Variants in KLHL18 observed in about 807,000 individuals in gnomAD.
KLHL18 encodes the protein kelch-like protein 18.
Under a neutral mutation model 58.5 loss-of-function variants are expected in KLHL18, and 38 were observed. The ratio of observed to expected loss-of-function variants is 0.65; its 90% CI spans 0.50 to 0.85. The LOEUF is 0.85. Ranked by LOEUF, KLHL18 falls within the 40% of genes least tolerant of loss-of-function variation. The pLI is 0.00. For synonymous variants in KLHL18, 303 were observed against 301.9 expected (o/e 1.00, Z -0.04); for missense variants, 624 against 778.4 (o/e 0.80, Z 2.36).
intron 7 of KLHL18, among the ~76,000 whole-genome samples, chr3:47,339,443 C>T (rs1472388900): frequency 2.7e-5 from 4 of 148,940 alleles, no homozygotes; most frequent in African/African-American, 9.9e-5. Flanking sequence ...TGTGAACCAT[C>T]ATTGTGCTAC....
intron 1 of KLHL18, among the ~76,000 whole-genome samples, chr3:47,298,532 GGAAACAT>G (rs1423140084): frequency 6.6e-6 from 1 of 152,082 alleles, no homozygotes; most frequent in African/African-American, 2.4e-5. Flanking sequence ...GACTATTCCA[GGAAACAT>G]GAAACATGAA....
intron 3 of KLHL18, among the ~76,000 whole-genome samples, chr3:47,323,116 T>C (rs1260149428): frequency 6.6e-6 from 1 of 151,838 alleles, no homozygotes; most frequent in East Asian, 1.9e-4. Flanking sequence ...CAAGACAGGA[T>C]CTTGCTCTGT....
At chr3:47,317,858 G>A (rs751599306) in intron 1 of KLHL18, among the ~76,000 whole-genome samples, 10 of 152,050 alleles carry the variant, frequency 6.6e-5, no homozygotes, top group African/African-American at 7.2e-5. Context: ...ATCTTTTGCC[G>A]CATAACAAAC....
Position 47,336,549 on chromosome 3 carries a change from G to A in KLHL18, c.913G>A (p.Val305Met). Residue 305 changes from valine (V) to methionine (M), a missense_variant, in exon 7 of 10, where the codon GTG (valine) becomes ATG (methionine). Coordinates refer to ENST00000232766, the MANE Select transcript of KLHL18 (RefSeq NM_025010.5). ...TTTTTATGCAGGTGATTCCCTGAAT[G>A]TGGTGGAAGTGTTCGACCCCATTGC... ...GLNSAGDSLN[V>M]VEVFDPIANC... 6.2e-7 allele frequency: 1 copy of A among 1,613,364 alleles called. No homozygotes were observed. The highest frequency in any genetic ancestry group is 8.5e-7 in the Non-Finnish European group (1 of 1,179,236).
chr3:47,341,173 T>C (rs1417254371), intron 8 of KLHL18, among the ~76,000 whole-genome samples: 1 of 152,246 alleles, frequency 6.6e-6, no homozygotes, highest in African/African-American at 2.4e-5. Flanking sequence ...GGGTTTTATA[T>C]ACACAACAGT....
chr3:47,300,395 G>GTATATGTGTGTATATATATGTGTATA (rs1702997012), intron 1 of KLHL18, among the ~76,000 whole-genome samples: 1 of 16,318 alleles, frequency 6.1e-5, no homozygotes. Context: ...ATGTGTATAT[G>GTATATGTGTGTATATATATGTGTATA]TGTGTGTGTG....
At chr3:47,320,537 A>G (rs1330369719) in intron 2 of KLHL18, among the ~76,000 whole-genome samples, 2 of 152,146 alleles carry the variant, frequency 1.3e-5, no homozygotes, top group Non-Finnish European at 2.9e-5. Flanking sequence ...ACTAGGGGGA[A>G]AAGAGCTAGG....
intron 1 of KLHL18, among the ~76,000 whole-genome samples, chr3:47,292,379 C>T (rs1461611841): frequency 6.6e-6 from 1 of 150,844 alleles, no homozygotes; most frequent in Non-Finnish European, 1.5e-5. Context: ...GAGGCTGAGG[C>T]GGGAGAATTG....
intron 1 of KLHL18, among the ~76,000 whole-genome samples, chr3:47,300,049 C>T (rs1016856216): frequency 1.2e-4 from 18 of 150,904 alleles, no homozygotes; most frequent in African/African-American, 3.6e-4. Context: ...TGTCTCTCCC[C>T]GCCATACCTC....
intron 1 of KLHL18, among the ~76,000 whole-genome samples, chr3:47,313,699 CAT>C (rs1199995809): frequency 6.6e-6 from 1 of 152,154 alleles, no homozygotes; most frequent in Non-Finnish European, 1.5e-5. Context: ...GTAGTTTTAT[CAT>C]GTGTAGGTTT....
chr3:47,286,150 C>G (rs1272782493), intron 1 of KLHL18, among the ~76,000 whole-genome samples: 4 of 152,030 alleles, frequency 2.6e-5, no homozygotes, highest in African/African-American at 4.8e-5. Flanking sequence ...ATTTTTTTCT[C>G]TCTTTAATAA....
At chr3:47,314,280 A>G (rs1037380501) in intron 1 of KLHL18, among the ~76,000 whole-genome samples, 2 of 152,196 alleles carry the variant, frequency 1.3e-5, no homozygotes, top group African/African-American at 2.4e-5. Flanking sequence ...GATTAAAGGC[A>G]TAAACCACTG....
intron 3 of KLHL18, among the ~76,000 whole-genome samples, chr3:47,326,125 T>C (rs1043701153): frequency 6.6e-6 from 1 of 151,922 alleles, no homozygotes; most frequent in African/African-American, 2.4e-5. Flanking sequence ...TTTTTGTATT[T>C]TTAGTAGAGA....
intron 2 of KLHL18, among the ~76,000 whole-genome samples, chr3:47,321,805 T>C (rs1703596409): frequency 6.6e-6 from 1 of 152,112 alleles, no homozygotes; most frequent in East Asian, 1.9e-4. Flanking sequence ...GCACCTGTCA[T>C]GGGGTGGCAT....
chr3:47,319,052 T>C (rs574615787), intron 1 of KLHL18, among the ~76,000 whole-genome samples: 23 of 152,336 alleles, frequency 1.5e-4, no homozygotes, highest in Non-Finnish European at 3.1e-4. Flanking sequence ...GAAAACACTT[T>C]ATAGAATTCC....
intron 1 of KLHL18, among the ~76,000 whole-genome samples, chr3:47,300,393 ATG>A (rs763461118): frequency 6.0e-4 from 27 of 44,930 alleles, no homozygotes; most frequent in South Asian, 1.3e-3. Flanking sequence ...ATATGTGTAT[ATG>A]TGTGTGTGTG....
At position 47,324,609 on chromosome 3, in the gene KLHL18, G is replaced by T. The variant is rs571223642; in HGVS notation, c.401+1901G>T. Among the ~76,000 whole-genome samples, 13 of 152,142 alleles carry T rather than the reference G, an allele frequency of 8.5e-5. No homozygotes were observed. The South Asian group carries it at 2.7e-3, about 32-fold the overall frequency. On this transcript the variant is annotated intron_variant, in intron 3 of 9. Transcript: ENST00000232766. ...GCATTTTGGGAGGCCAAGGCAGGAG[G>T]ATTGCTTGAGGTTAGGATTTCCAGA...
intron 1 of KLHL18, among the ~76,000 whole-genome samples, chr3:47,302,824 G>T (rs1703056579): frequency 6.6e-6 from 1 of 152,156 alleles, no homozygotes; most frequent in Non-Finnish European, 1.5e-5. Flanking sequence ...TATCATAGAA[G>T]AGTCCATGTC....
chr3:47,333,616 C>T (rs1703918472), intron 5 of KLHL18, among the ~76,000 whole-genome samples: 1 of 152,256 alleles, frequency 6.6e-6, no homozygotes, highest in African/African-American at 2.4e-5. Flanking sequence ...GAATGTGCAA[C>T]CATCTTTACT....
Sources: gnomAD v4.1 joint callset for allele counts (sites outside exome capture counted in the v4.1 genomes callset) on GRCh38, gnomAD v4.1.1 for gene constraint, MANE v1.5 for transcripts, NCBI Gene and HGNC (gene_info 2026-07-23, HGNC 2026-07-21) for gene names.